Variants in BLTP3A observed in about 807,000 individuals in gnomAD.
BLTP3A encodes the protein ICBP90 binding protein 1.
At chr6:34,867,514 G>A in the BLTP3A span, 1 of 1,614,192 alleles carries the variant, frequency 6.2e-7, no homozygotes, top group Non-Finnish European at 8.5e-7. Context: ...TGGGATTGAG[G>A]TACGTGGTGA....
chr6:34,834,101 C>CA, the BLTP3A span: 4 of 1,183,002 alleles, frequency 3.4e-6, no homozygotes, highest in South Asian at 1.6e-5. Context: ...GAACCTGTCT[C>CA]AAAAAAATAA....
the BLTP3A span, among the ~76,000 whole-genome samples, chr6:34,812,483 T>A: frequency 6.6e-6 from 1 of 152,184 alleles, no homozygotes; most frequent in Non-Finnish European, 1.5e-5. Flanking sequence ...TGCAGTTTTC[T>A]TTTTAGAGAT....
the BLTP3A span, chr6:34,872,485 C>G: frequency 1.6e-5 from 25 of 1,576,642 alleles, no homozygotes; most frequent in Non-Finnish European, 2.1e-5. Flanking sequence ...CTATCACCAG[C>G]AATAGCACCA....
the BLTP3A span, chr6:34,858,419 A>C: frequency 1.2e-6 from 2 of 1,614,042 alleles, no homozygotes; most frequent in Admixed American, 3.3e-5. Flanking sequence ...CAGAGACCTA[A>C]GGCTTCCTGG....
the BLTP3A span, among the ~76,000 whole-genome samples, chr6:34,808,346 C>CAAAAAAAA: frequency 2.3e-3 from 62 of 26,712 alleles, 8 homozygotes; most frequent in East Asian, 0.013. Context: ...AACTCCGTCT[C>CAAAAAAAA]AAAAAAAAAA....
At chr6:34,867,715 A>G in the BLTP3A span, 11 of 1,424,928 alleles carry the variant, frequency 7.7e-6, no homozygotes, top group South Asian at 7.3e-5. Flanking sequence ...CAGCCACTCT[A>G]CTAGTGCCAA....
chr6:34,847,730 A>G, the BLTP3A span, among the ~76,000 whole-genome samples: 3 of 147,768 alleles, frequency 2.0e-5, no homozygotes, highest in African/African-American at 7.5e-5. Context: ...TTATCTTTTC[A>G]AAAAAACTTT....
chr6:34,834,243 T>C, the BLTP3A span: 1 of 1,613,844 alleles, frequency 6.2e-7, no homozygotes. Context: ...GAAAAGGTGG[T>C]GGAAGGGATG....
chr6:34,804,648 A>G, the BLTP3A span, among the ~76,000 whole-genome samples: 1 of 152,168 alleles, frequency 6.6e-6, no homozygotes, highest in Admixed American at 6.6e-5. Flanking sequence ...GATATTGGAA[A>G]GACAGAAGCT....
chr6:34,820,946 C>T, the BLTP3A span, among the ~76,000 whole-genome samples: 1 of 150,090 alleles, frequency 6.7e-6, no homozygotes, highest in Non-Finnish European at 1.5e-5. Flanking sequence ...GCCACCACGC[C>T]TGGCCCTCTG....
chr6:34,824,569 A>C, the BLTP3A span, among the ~76,000 whole-genome samples: 1 of 151,464 alleles, frequency 6.6e-6, no homozygotes, highest in Non-Finnish European at 1.5e-5. Flanking sequence ...AAAAAAAAAA[A>C]AAAACCCAAG....
chr6:34,874,503 TCAACAGAGTGAGACTCCGTCTCA>T, the BLTP3A span: 4 of 152,354 alleles, frequency 2.6e-5, no homozygotes, highest in African/African-American at 9.7e-5. Context: ...CTCCAGCCTG[TCAACAGAGTGAGACTCCGTCTCA>T]CAACAAACAA....
At chr6:34,845,772 A>G in the BLTP3A span, among the ~76,000 whole-genome samples, 63 of 150,924 alleles carry the variant, frequency 4.2e-4, no homozygotes, top group Admixed American at 1.3e-3. Flanking sequence ...AATTTTTTGT[A>G]TTTTTTAGTA....
At chr6:34,825,425 C>T in the BLTP3A span, among the ~76,000 whole-genome samples, 11 of 152,148 alleles carry the variant, frequency 7.2e-5, no homozygotes, top group South Asian at 1.7e-3. Context: ...TTCCTGCCTC[C>T]GCCTCCCAGG....
chr6:34,871,973 A>T, the BLTP3A span: 85 of 1,567,450 alleles, frequency 5.4e-5, no homozygotes, highest in Non-Finnish European at 7.3e-5. Flanking sequence ...TGGGGGCTAT[A>T]CTTGTGAAAC....
the BLTP3A span, among the ~76,000 whole-genome samples, chr6:34,840,319 A>G: frequency 1.1e-4 from 16 of 151,888 alleles, no homozygotes; most frequent in African/African-American, 3.1e-4. Flanking sequence ...TGGGATGCCA[A>G]AGGCGGGTGG....
chr6:34,805,733 C>T, the BLTP3A span, among the ~76,000 whole-genome samples: 33 of 81,868 alleles, frequency 4.0e-4, 1 homozygote, highest in African/African-American at 2.0e-3. Flanking sequence ...AAGACCCTAT[C>T]TCAAAAAAAA....
At chr6:34,837,643 C>G in the BLTP3A span, among the ~76,000 whole-genome samples, 38 of 152,148 alleles carry the variant, frequency 2.5e-4, no homozygotes, top group African/African-American at 8.9e-4. Context: ...TGTGCCACTA[C>G]ACTCCAGCCT....
chr6:34,806,601 T>G, the BLTP3A span, among the ~76,000 whole-genome samples: 1 of 152,190 alleles, frequency 6.6e-6, no homozygotes, highest in Admixed American at 6.5e-5. Flanking sequence ...CCTTGGGCAG[T>G]TTTCAAAGAT....
Sources: gnomAD v4.1 joint callset for allele counts (sites outside exome capture counted in the v4.1 genomes callset) on GRCh38, gnomAD v4.1.1 for gene constraint, MANE v1.5 for transcripts, NCBI Gene and HGNC (gene_info 2026-07-23, HGNC 2026-07-21) for gene names.